NKAIN2: variants seen among roughly 807,000 people sequenced by gnomAD.
The protein encoded by NKAIN2 is sodium/potassium-transporting ATPase subunit beta-1-interacting protein 2.
In NKAIN2, 14 loss-of-function variants were observed where a neutral mutation model predicts 32.6. The ratio of observed to expected loss-of-function variants is 0.43; its 90% CI spans 0.28 to 0.67. The LOEUF (loss-of-function observed/expected upper bound fraction) is 0.67. Among genes scored for constraint, NKAIN2 ranks in the 30% least tolerant of loss-of-function variants. The pLI, the probability that NKAIN2 is intolerant of heterozygous loss-of-function variation, is 0.17. For missense variants in NKAIN2, 198 were observed against 258.3 expected, an observed-to-expected ratio of 0.77 and a Z score of 1.60; for synonymous variants, 80 against 87.2, an observed-to-expected ratio of 0.92 and a Z score of 0.46.
intron 1 of NKAIN2, among the ~76,000 whole-genome samples, chr6:124,181,271 C>A (rs1229949102): frequency 6.8e-6 from 1 of 146,932 alleles, no homozygotes; most frequent in Non-Finnish European, 1.5e-5. Context: ...CTGGGTGTGG[C>A]CCAGGAAATC....
intron 3 of NKAIN2, among the ~76,000 whole-genome samples, chr6:124,615,255 A>G (rs1782843331): frequency 6.6e-6 from 1 of 152,198 alleles, no homozygotes; most frequent in South Asian, 2.1e-4. Context: ...ACAAGCCTCA[A>G]AACACAATTT....
At chr6:124,056,491 C>T (rs1782659036) in intron 1 of NKAIN2, among the ~76,000 whole-genome samples, 1 of 151,338 alleles carries the variant, frequency 6.6e-6, no homozygotes, top group African/African-American at 2.4e-5. Flanking sequence ...AAATTGCAAA[C>T]CTACCTCCTT....
intron 1 of NKAIN2, among the ~76,000 whole-genome samples, chr6:124,045,662 A>C (rs1311706080): frequency 1.3e-5 from 2 of 151,972 alleles, no homozygotes; most frequent in Non-Finnish European, 2.9e-5. Flanking sequence ...TTAGAAATGA[A>C]ACTAAATGGT....
In NKAIN2 at chr6:124,678,923, G is replaced by A. The variant is rs557974043; in HGVS notation, c.474+20537G>A. Among the ~76,000 whole-genome samples, 16 of 152,252 alleles carry A rather than the reference G, an allele frequency of 1.1e-4. No homozygotes were observed. In the South Asian group the frequency reaches 2.3e-3, roughly 22 times the overall value. ...CTATGGATGAATCTTCTCTGGACTA[G>A]TGTGTGTAAATTTCAAATCAGAGCG... On this transcript the variant is annotated intron_variant, in intron 4 of 6. Coordinates refer to ENST00000368417, the MANE Select transcript of NKAIN2 (RefSeq NM_001040214.3).
At chr6:124,056,559 G>A (rs960587161) in intron 1 of NKAIN2, among the ~76,000 whole-genome samples, 1 of 151,856 alleles carries the variant, frequency 6.6e-6, no homozygotes, top group East Asian at 1.9e-4. Flanking sequence ...AAATATAGGT[G>A]AATAATAAAT....
intron 1 of NKAIN2, among the ~76,000 whole-genome samples, chr6:123,930,037 A>G (rs908658741): frequency 6.6e-6 from 1 of 152,136 alleles, no homozygotes; most frequent in African/African-American, 2.4e-5. Context: ...AACCAAGACC[A>G]ATGTACAACT....
chr6:123,943,443 A>G (rs182602021), intron 1 of NKAIN2, among the ~76,000 whole-genome samples: 1 of 152,120 alleles, frequency 6.6e-6, no homozygotes, highest in East Asian at 1.9e-4. Flanking sequence ...TAAGAATCCT[A>G]GTATTCTCCT....
intron 1 of NKAIN2, among the ~76,000 whole-genome samples, chr6:123,922,288 A>G (rs1379878423): frequency 1.3e-5 from 2 of 152,344 alleles, no homozygotes; most frequent in African/African-American, 2.4e-5. Context: ...GGAAATATCT[A>G]TGGAAATGAG....
chr6:123,931,493 T>C lies in NKAIN2; in HGVS notation c.54+127239T>C, dbSNP rs1582799189. On this transcript the variant is annotated intron_variant, in intron 1 of 6. Transcript: ENST00000368417. ...TGATAGTTAACAGTGGAACTGTAAG[T>C]ATATCCCCTACTCTAAACTCACTGA... 2.0e-5 allele frequency among the ~76,000 whole-genome samples: 3 copies of C among 152,290 alleles called. No homozygotes were observed. The East Asian group carries it at 5.8e-4, about 29-fold the overall frequency.
chr6:124,104,727 T>G (rs1785039590), intron 1 of NKAIN2, among the ~76,000 whole-genome samples: 1 of 152,208 alleles, frequency 6.6e-6, no homozygotes, highest in African/African-American at 2.4e-5. Flanking sequence ...AGAAATTAAT[T>G]TTGTTCTAAA....
chr6:124,599,019 A>ATTTT (rs34952742), intron 3 of NKAIN2, among the ~76,000 whole-genome samples: 298 of 141,948 alleles, frequency 2.1e-3, no homozygotes, highest in African/African-American at 5.7e-3. Context: ...ACACAAATCT[A>ATTTT]TTTTTTTTTT....
chr6:124,724,991 T>C (rs1776201474), intron 4 of NKAIN2, among the ~76,000 whole-genome samples: 1 of 152,222 alleles, frequency 6.6e-6, no homozygotes, highest in Non-Finnish European at 1.5e-5. Flanking sequence ...TTACAATGAT[T>C]TCATGTGTAT....
intron 1 of NKAIN2, among the ~76,000 whole-genome samples, chr6:123,910,860 A>G (rs573140681): frequency 8.5e-5 from 13 of 152,136 alleles, no homozygotes; most frequent in Non-Finnish European, 1.2e-4. Context: ...GCTCATATGA[A>G]TATGATTACA....
intron 1 of NKAIN2, among the ~76,000 whole-genome samples, chr6:124,250,473 A>C (rs983201679): frequency 6.6e-6 from 1 of 152,140 alleles, no homozygotes; most frequent in Admixed American, 6.6e-5. Context: ...CACATTATTA[A>C]ATTACCGGTA....
At chr6:124,511,022 A>G (rs1409233549) in intron 3 of NKAIN2, among the ~76,000 whole-genome samples, 1 of 152,216 alleles carries the variant, frequency 6.6e-6, no homozygotes, top group Non-Finnish European at 1.5e-5. Context: ...ATTGCTGCAT[A>G]TATTCTGATA....
chr6:124,311,642 G>A (rs1046019494), intron 2 of NKAIN2, among the ~76,000 whole-genome samples: 3 of 152,114 alleles, frequency 2.0e-5, no homozygotes, highest in African/African-American at 7.2e-5. Context: ...TGACCAGGAT[G>A]GAGTTAATAA....
chr6:123,969,150 CTA>C (rs1778221579), intron 1 of NKAIN2, among the ~76,000 whole-genome samples: 1 of 152,178 alleles, frequency 6.6e-6, no homozygotes, highest in Non-Finnish European at 1.5e-5. Context: ...GCTTTCAAAA[CTA>C]TCAATTGTCT....
At chr6:124,230,753 C>T (rs1792405098) in intron 1 of NKAIN2, among the ~76,000 whole-genome samples, 1 of 152,182 alleles carries the variant, frequency 6.6e-6, no homozygotes, top group Admixed American at 6.6e-5. Context: ...GGAATCTCTG[C>T]CTAGATGGCA....
Position 124,412,478 on chromosome 6 carries a change from G to A in NKAIN2, c.273+57131G>A, listed in dbSNP as rs193153961. Among the ~76,000 whole-genome samples the A allele has an allele frequency of 3.4e-3, 514 of 152,284 alleles. 1 individual carries two copies. Among genetic ancestry groups the A allele is most frequent in the Non-Finnish European group, 5.5e-3 (375 of 68,020 alleles). Reference sequence around the variant, plus strand: ...TGCCTGGGTATCAGCAGTGGTGGCTGCAGAACAGCGGATATTGGTGAACCG... The same window carrying A: ...TGCCTGGGTATCAGCAGTGGTGGCTACAGAACAGCGGATATTGGTGAACCG... On this transcript the variant is annotated intron_variant, in intron 3 of 6. Transcript: ENST00000368417.
Sources: gnomAD v4.1 joint callset for allele counts (sites outside exome capture counted in the v4.1 genomes callset) on GRCh38, gnomAD v4.1.1 for gene constraint, MANE v1.5 for transcripts, NCBI Gene and HGNC (gene_info 2026-07-23, HGNC 2026-07-21) for gene names.